JAK2: variants seen among roughly 807,000 people sequenced by gnomAD.
The protein encoded by JAK2 is Janus kinase 2, also known as tyrosine-protein kinase JAK2.
In JAK2, 86 loss-of-function variants were observed where a neutral mutation model predicts 139.3. The ratio of observed to expected loss-of-function variants is 0.62; its 90% confidence interval spans 0.52 to 0.74. The LOEUF is 0.74. Ranked by LOEUF, JAK2 falls within the 30% of genes least tolerant of loss-of-function variation. The probability of loss-of-function intolerance (pLI) is 0.00; values close to 1 mark genes in which losing one functional copy is unlikely to be tolerated. For missense variants in JAK2, 1,421 were observed against 1,360.3 expected (o/e 1.04, Z -0.70); for synonymous variants, 490 against 437.7 (o/e 1.12, Z -1.49).
chr9:4,996,519 A>T (rs1218316914), intron 2 of JAK2, among the ~76,000 whole-genome samples: 1 of 151,996 alleles, frequency 6.6e-6, no homozygotes, highest in Non-Finnish European at 1.5e-5. Flanking sequence ...TCTCTTATTT[A>T]TATGTATAAT....
At position 5,084,953 on chromosome 9, in the gene JAK2, G is replaced by A. The variant is rs187891269; in HGVS notation, c.2571+3092G>A. On this transcript the variant is annotated intron_variant, in intron 19 of 24. Transcript: ENST00000381652. ...CAAAGTGTATTCCACAAAATTCTTA[G>A]GCACAGTCTGAGATAGCTGCCAGAA... 9 of 660,736 alleles carry A rather than the reference G, an allele frequency of 1.4e-5. No homozygotes were observed. The East Asian group carries it at 3.9e-4, about 29-fold the overall frequency. 40.9% of individuals were successfully genotyped at this position (660,736 alleles called of 1,614,324 possible).
chr9:5,088,787 C>G (rs1371294986), intron 19 of JAK2, among the ~76,000 whole-genome samples: 1 of 152,190 alleles, frequency 6.6e-6, no homozygotes, highest in Admixed American at 6.5e-5. Context: ...AGAGATTGCT[C>G]TAATGTCTCT....
chr9:5,113,967 G>A (rs984934928), intron 22 of JAK2: 2 of 272,796 alleles, frequency 7.3e-6, no homozygotes, highest in African/African-American at 2.2e-5. Context: ...ACACCCAGGT[G>A]CCATCAGCAT....
chr9:5,103,958 G>C (rs1178000728), intron 22 of JAK2, among the ~76,000 whole-genome samples: 2 of 152,110 alleles, frequency 1.3e-5, no homozygotes, highest in African/African-American at 2.4e-5. Context: ...GCCCACAAGA[G>C]AAAGCAGGAA....
intron 4 of JAK2, among the ~76,000 whole-genome samples, chr9:5,042,932 G>A (rs1485390948): frequency 6.6e-6 from 1 of 152,230 alleles, no homozygotes; most frequent in Non-Finnish European, 1.5e-5. Flanking sequence ...TGCTAGGAGG[G>A]TGCTTCTCGA....
intron 2 of JAK2, among the ~76,000 whole-genome samples, chr9:5,001,669 T>C (rs1820936374): frequency 6.6e-6 from 1 of 151,930 alleles, no homozygotes; most frequent in African/African-American, 2.4e-5. Flanking sequence ...GTTTTGGTAT[T>C]AGGATAATTC....
intron 6 of JAK2, among the ~76,000 whole-genome samples, chr9:5,053,850 G>A (rs1817583856): frequency 6.6e-6 from 1 of 151,942 alleles, no homozygotes. Flanking sequence ...GAGCCTTGTC[G>A]AATGAGTAAC....
intron 4 of JAK2, 129 bp downstream of exon 4, chr9:5,030,035 T>C: frequency 1.4e-6 from 1 of 702,498 alleles, no homozygotes; most frequent in Non-Finnish European, 2.3e-6. Context: ...CATTTAAGAT[T>C]TCATTTAAGA....
rs1824152881 is a variant in JAK2 at position 5,128,585 on chromosome 9, T to C, written c.*1794T>C. ...TCTAACATTGCTTTTTAAAACAAGA[T>C]GTGAACTAACTTTTCTTAAACATTT... is the stretch of plus-strand genomic sequence containing the variant. On this transcript the variant is annotated 3_prime_UTR_variant, in exon 25 of 25. Coordinates refer to ENST00000381652, the MANE Select transcript of JAK2 (RefSeq NM_004972.4). Among the ~76,000 whole-genome samples the C allele has an allele frequency of 6.6e-6, 1 of 151,954 alleles. No individual in the cohort carries two copies. The highest frequency in any genetic ancestry group is 2.1e-4 in the South Asian group (1 of 4,832).
intron 2 of JAK2, among the ~76,000 whole-genome samples, chr9:5,009,641 C>A (rs1469641873): frequency 2.0e-5 from 3 of 152,116 alleles, no homozygotes; most frequent in Non-Finnish European, 4.4e-5. Flanking sequence ...ATTCCTACAA[C>A]CCCTGCCCCA....
chr9:5,040,203 T>A (rs7043371), intron 4 of JAK2, among the ~76,000 whole-genome samples: 94,405 of 152,004 alleles, frequency 0.62, 31,454 homozygotes, highest in African/African-American at 0.88. Context: ...TTCATGGGCA[T>A]AGAATAGTCT....
chr9:5,114,359 C>CA, intron 22 of JAK2: 2 of 534,408 alleles, frequency 3.7e-6, no homozygotes, highest in Non-Finnish European at 7.4e-6. Flanking sequence ...AGAAGCAGTG[C>CA]AATGGCACGT....
In JAK2 at chr9:4,985,305, T is replaced by G. The variant is rs1819878640; in HGVS notation, c.-434T>G. 2 of 152,268 alleles carry G rather than the reference T, an allele frequency of 1.3e-5. No individual in the cohort carries two copies. The highest frequency in any genetic ancestry group is 2.9e-5 in the Non-Finnish European group (2 of 68,160). The allele number at this position is 152,268 out of a possible 1,614,324, so 9.4% of individuals were successfully genotyped here. On this transcript the variant is annotated 5_prime_UTR_variant, in exon 1 of 25. Coordinates refer to ENST00000381652, the MANE Select transcript of JAK2 (RefSeq NM_004972.4). ...GCAGCAGCGGACGCCGCTAACGGCCTCCCTCGGCGCTGACAGGCTGGGCCG... is the reference window on the plus strand; with the variant it reads ...GCAGCAGCGGACGCCGCTAACGGCCGCCCTCGGCGCTGACAGGCTGGGCCG...
chr9:5,068,488 T>C (rs1359780990), intron 10 of JAK2, among the ~76,000 whole-genome samples: 1 of 152,210 alleles, frequency 6.6e-6, no homozygotes, highest in African/African-American at 2.4e-5. Context: ...GTACTTGAAC[T>C]GAGTTTTGAT....
At chr9:5,033,895 A>C (rs921524289) in intron 4 of JAK2, among the ~76,000 whole-genome samples, 41 of 152,320 alleles carry the variant, frequency 2.7e-4, no homozygotes, top group African/African-American at 9.4e-4. Flanking sequence ...TAACAATATT[A>C]ACCTTAAACG....
chr9:5,065,033 C>G lies in JAK2; in HGVS notation c.1207C>G (p.Pro403Ala). 3 of 1,579,392 alleles carry G rather than the reference C, an allele frequency of 1.9e-6. No homozygotes were observed. Among genetic ancestry groups the G allele is most frequent in the Non-Finnish European group, 2.6e-6 (3 of 1,164,492 alleles). ...AAATATACAAAGCAACTGTCATGGCCCAATTTCGTGAGTAATACAGACTTA... is the reference window on the plus strand; with the variant it reads ...AAATATACAAAGCAACTGTCATGGCGCAATTTCGTGAGTAATACAGACTTA... ...LENIQSNCHG[P>A]ISMDFAISKL... The change falls in exon 9 of 25, where the codon CCA (proline) becomes GCA (alanine). Residue 403 changes from proline (P) to alanine (A), a missense_variant. Transcript: ENST00000381652.
chr9:4,986,744 G>A (rs972246525), intron 2 of JAK2, among the ~76,000 whole-genome samples: 7 of 151,988 alleles, frequency 4.6e-5, no homozygotes, highest in African/African-American at 1.7e-4. Context: ...TTGAGGATGG[G>A]ACCCAAGTGT....
At chr9:5,115,886 A>G (rs1192267451) in intron 22 of JAK2, among the ~76,000 whole-genome samples, 1 of 152,178 alleles carries the variant, frequency 6.6e-6, no homozygotes, top group East Asian at 1.9e-4. Flanking sequence ...GGAGGGGAAC[A>G]TCACACACCA....
chr9:5,086,094 C>T, intron 19 of JAK2: 1 of 586,026 alleles, frequency 1.7e-6, no homozygotes, highest in Non-Finnish European at 3.2e-6. Flanking sequence ...TCCCTTCTGC[C>T]TATGAGCCTG....
Sources: gnomAD v4.1 joint callset for allele counts (sites outside exome capture counted in the v4.1 genomes callset) on GRCh38, gnomAD v4.1.1 for gene constraint, MANE v1.5 for transcripts, NCBI Gene and HGNC (gene_info 2026-07-23, HGNC 2026-07-21) for gene names.